MGST1: variants seen among roughly 807,000 people sequenced by gnomAD.
MGST1 encodes the protein microsomal glutathione S-transferase 1, also known as glutathione S-transferase 12.
A neutral mutation model predicts 8.9 loss-of-function variants in MGST1; 5 were observed. The ratio of observed to expected loss-of-function variants is 0.56; its 90% CI spans 0.29 to 1.19. MGST1 has a LOEUF of 1.19. Among genes scored for constraint, MGST1 ranks in the 50% most tolerant of loss-of-function variants. MGST1 has a pLI of 0.08. For missense variants in MGST1, 182 were observed against 187.4 expected (o/e 0.97, Z 0.17); for synonymous variants, 54 against 67.8 (o/e 0.80, Z 1.00).
chr12:16,526,344 CA>C (rs1299199808), intron 4 of MGST1, among the ~76,000 whole-genome samples: 1 of 151,934 alleles, frequency 6.6e-6, no homozygotes, highest in African/African-American at 2.4e-5. Context: ...GGTCAAAACT[CA>C]GGTTAAAACA....
intron 1 of MGST1, among the ~76,000 whole-genome samples, chr12:16,349,452 C>G (rs1269915166): frequency 1.3e-5 from 2 of 152,088 alleles, no homozygotes; most frequent in African/African-American, 2.4e-5. Context: ...AATTCTTAGC[C>G]TTGATGGTGG....
chr12:16,578,724 A>G (rs1943068145), intron 4 of MGST1, among the ~76,000 whole-genome samples: 2 of 152,100 alleles, frequency 1.3e-5, no homozygotes, highest in South Asian at 4.2e-4. Context: ...AGGCTGAGGC[A>G]GGAGAATTCC....
At position 16,537,009 on chromosome 12, in the gene MGST1, CA is replaced by C. The variant is rs1941760435; in HGVS notation, n.483-52515del. Among the ~76,000 whole-genome samples, 1 of 152,120 alleles carries C rather than the reference CA, an allele frequency of 6.6e-6. No homozygotes were observed. Among genetic ancestry groups the C allele is most frequent in the Admixed American group, 6.5e-5 (1 of 15,280 alleles). ...GGCTGAACTCATTTTGGCATTAACC[CA>C]AAAGTCCACAGTCCAAAGTCTCATC... On this transcript the variant is annotated intron_variant and non_coding_transcript_variant, in intron 4 of 4. Coordinates refer to the MGST1 transcript ENST00000538857. The surrounding 1 kb of genome is among the most constrained non-coding windows in gnomAD (Gnocchi z 4.6).
At chr12:16,402,434 G>A (rs1940665528) in intron 1 of MGST1, 24 of 1,603,164 alleles carry the variant, frequency 1.5e-5, no homozygotes, top group Middle Eastern at 2.3e-4. Flanking sequence ...CCTGGACGCC[G>A]CTTCTCCTCG....
chr12:16,571,390 A>G (rs1328823946), intron 4 of MGST1, among the ~76,000 whole-genome samples: 1 of 152,078 alleles, frequency 6.6e-6, no homozygotes, highest in Non-Finnish European at 1.5e-5. Flanking sequence ...AATATCCAAC[A>G]CCATTTATCT....
At chr12:16,371,569 T>C (rs1940294371) in intron 3 of MGST1, among the ~76,000 whole-genome samples, 2 of 152,078 alleles carry the variant, frequency 1.3e-5, no homozygotes, top group South Asian at 4.1e-4. Flanking sequence ...CTAATGAACA[T>C]TTGCAATCAA....
intron 1 of MGST1, among the ~76,000 whole-genome samples, chr12:16,409,580 A>G (rs1940726075): frequency 6.6e-6 from 1 of 152,140 alleles, no homozygotes; most frequent in Admixed American, 6.6e-5. Flanking sequence ...GAAGAGAGGG[A>G]AGAAGAACTT....
chr12:16,481,734 C>T (rs369651468), intron 4 of MGST1, among the ~76,000 whole-genome samples: 4 of 151,470 alleles, frequency 2.6e-5, no homozygotes, highest in Middle Eastern at 3.4e-3. Context: ...TATAAAATAA[C>T]GGTTATAAAA....
chr12:16,460,646 A>T (rs1485963420), intron 4 of MGST1, among the ~76,000 whole-genome samples: 3 of 141,448 alleles, frequency 2.1e-5, no homozygotes, highest in African/African-American at 8.1e-5. Context: ...TGGTGGTGTT[A>T]ATCACCTCCA....
chr12:16,471,409 A>C (rs1438532479), intron 4 of MGST1, among the ~76,000 whole-genome samples: 3 of 152,214 alleles, frequency 2.0e-5, no homozygotes, highest in African/African-American at 7.2e-5. Context: ...ATTATTAATA[A>C]TTTTATCAAT....
chr12:16,413,860 C>G lies in MGST1; in HGVS notation n.779-23528C>G, dbSNP rs181875609. On this transcript the variant is annotated intron_variant and non_coding_transcript_variant, in intron 1 of 1. Coordinates refer to the MGST1 transcript ENST00000359720. The surrounding 1 kb of genome is among the most constrained non-coding windows in gnomAD (Gnocchi z 4.0). ...CACATTGAAGACTCTTAGCCATTGC[C>G]AAATCAATGAATGAAAGTATACATA... 6.6e-6 allele frequency among the ~76,000 whole-genome samples: 1 copy of G among 152,096 alleles called. No individual in the cohort carries two copies. The highest frequency in any genetic ancestry group is 2.4e-5 in the African/African-American group (1 of 41,472).
chr12:16,566,228 T>C (rs1374093731), intron 4 of MGST1, among the ~76,000 whole-genome samples: 1 of 151,158 alleles, frequency 6.6e-6, no homozygotes, highest in African/African-American at 2.4e-5. Flanking sequence ...GCATAGTGAT[T>C]ACCAGAGACT....
intron 4 of MGST1, among the ~76,000 whole-genome samples, chr12:16,551,593 CTT>C (rs1292960664): frequency 5.2e-5 from 7 of 135,904 alleles, no homozygotes; most frequent in Admixed American, 7.5e-5. Flanking sequence ...AGATGACTTG[CTT>C]TTTTTTTTTT....
intron 4 of MGST1, among the ~76,000 whole-genome samples, chr12:16,526,344 C>G (rs1301371295): frequency 6.6e-6 from 1 of 151,934 alleles, no homozygotes; most frequent in Non-Finnish European, 1.5e-5. Context: ...GGTCAAAACT[C>G]AGGTTAAAAC....
At chr12:16,399,947 T>C in intron 1 of MGST1, 1 of 1,326,494 alleles carries the variant, frequency 7.5e-7, no homozygotes, top group Non-Finnish European at 1.1e-6. Context: ...GGCCATTCCA[T>C]AGCATTTACC....
chr12:16,435,120 C>T (rs1940972957), intron 1 of MGST1, among the ~76,000 whole-genome samples: 1 of 151,896 alleles, frequency 6.6e-6, no homozygotes, highest in Admixed American at 6.6e-5. Context: ...ATGTACCAGG[C>T]TTTCTTTTAG....
chr12:16,560,642 T>C lies in MGST1; in HGVS notation n.483-28886T>C. On this transcript the variant is annotated intron_variant and non_coding_transcript_variant, in intron 4 of 4. Transcript: ENST00000538857. This position sits in a 1 kb window ranked among gnomAD's most constrained non-coding sequence, Gnocchi z 5.0. ...TACTCTGTAAAGCTACAATACACAA[T>C]GCTTTATGATGTACACAAGTGGATT... 1.0e-6 allele frequency: 1 copy of C among 973,122 alleles called. No individual in the cohort carries two copies. Among genetic ancestry groups the C allele is most frequent in the Non-Finnish European group, 1.5e-6 (1 of 647,188 alleles). The allele number at this position is 973,122 out of a possible 1,614,324, so 60.3% of individuals were successfully genotyped here. A position where few individuals can be genotyped will look rare whatever the true frequency, so the allele number is the denominator to read the frequency against.
intron 4 of MGST1, among the ~76,000 whole-genome samples, chr12:16,520,466 A>G (rs1941641643): frequency 6.6e-6 from 1 of 152,130 alleles, no homozygotes; most frequent in Admixed American, 6.5e-5. Flanking sequence ...AATTTTCAAG[A>G]AGAGCAGATG....
chr12:16,373,580 T>A (rs896515339), intron 3 of MGST1, among the ~76,000 whole-genome samples: 2 of 151,880 alleles, frequency 1.3e-5, no homozygotes, highest in African/African-American at 4.8e-5. Context: ...AGAAGAAAAA[T>A]AAAATAAAGT....
Sources: gnomAD v4.1 joint callset for allele counts (sites outside exome capture counted in the v4.1 genomes callset) on GRCh38, gnomAD v4.1.1 for gene constraint, Gnocchi (gnomAD v3.1) non-coding constraint, MANE v1.5 for transcripts, NCBI Gene and HGNC (gene_info 2026-07-23, HGNC 2026-07-21) for gene names.